SSBP2: variants seen among roughly 807,000 people sequenced by gnomAD.
SSBP2 encodes single stranded DNA binding protein 2.
SSBP2 carries 17 observed loss-of-function variants against 61.8 expected under a neutral mutation model. The observed-to-expected ratio is 0.28, with a 90% confidence interval of 0.19 to 0.41. The LOEUF is 0.41. SSBP2 is among the 10% of genes least tolerant of loss of function. SSBP2 has a pLI of 1.00. For missense variants in SSBP2, 310 were observed against 458.7 expected (o/e 0.68, Z 2.96); for synonymous variants, 139 against 141.3 (o/e 0.98, Z 0.12).
Position 81,419,287 on chromosome 5 carries a change from C to CAG in SSBP2, c.*1215_*1216dup, listed in dbSNP as rs763976952. On this transcript the variant is annotated 3_prime_UTR_variant, in exon 17 of 17. Transcript: ENST00000320672. ...GAATAAAAGCCTTATATTCCAGGAACAGAGCAGAGGCTCCCTGGCCAGTGA... is the reference window on the plus strand; with the variant it reads ...GAATAAAAGCCTTATATTCCAGGAACAGAGAGCAGAGGCTCCCTGGCCAGTGA... 29 of 152,132 alleles carry CAG rather than the reference C, an allele frequency of 1.9e-4. No individual in the cohort carries two copies. Among genetic ancestry groups the CAG allele is most frequent in the Admixed American group, 7.2e-4 (11 of 15,260 alleles). 9.4% of individuals were successfully genotyped at this position (152,132 alleles called of 1,614,324 possible).
intron 16 of SSBP2, among the ~76,000 whole-genome samples, chr5:81,422,682 G>C (rs906758078): frequency 6.6e-6 from 1 of 152,124 alleles, no homozygotes; most frequent in African/African-American, 2.4e-5. Flanking sequence ...AAAAAATAGA[G>C]GGAAACTGCC....
intron 1 of SSBP2, among the ~76,000 whole-genome samples, chr5:81,711,701 A>T (rs969571436): frequency 2.0e-5 from 3 of 151,622 alleles, no homozygotes; most frequent in South Asian, 4.2e-4. Context: ...GATAAAAAAA[A>T]AAATAAAACC....
At chr5:81,453,456 CTTTTTTT>C (rs34761912) in intron 10 of SSBP2, among the ~76,000 whole-genome samples, 1 of 112,142 alleles carries the variant, frequency 8.9e-6, no homozygotes, top group Non-Finnish European at 1.7e-5. Flanking sequence ...TGGGTTTATT[CTTTTTTT>C]TTTTTTTTTT....
At chr5:81,446,370 T>C (rs1763401928) in intron 12 of SSBP2, among the ~76,000 whole-genome samples, 1 of 152,186 alleles carries the variant, frequency 6.6e-6, no homozygotes, top group Non-Finnish European at 1.5e-5. Context: ...TAAAAAACTT[T>C]TATTATTACA....
At position 81,737,969 on chromosome 5, in the gene SSBP2, A is replaced by T. The variant is rs544391573; in HGVS notation, c.62+13012T>A. 3.3e-5 allele frequency among the ~76,000 whole-genome samples: 5 copies of T among 152,164 alleles called. No homozygotes were observed. In the South Asian group the frequency reaches 1.0e-3, roughly 32 times the overall value. The stretch of plus-strand genomic sequence containing the variant: ...TTTTCAATCTCAATTTCAAACTCTC[A>T]TTCCACCTATACCTTAAATATTCCC... On this transcript the variant is annotated intron_variant, in intron 1 of 16. Transcript: ENST00000320672.
chr5:81,626,676 A>G (rs1244231501), intron 3 of SSBP2, among the ~76,000 whole-genome samples: 1 of 151,920 alleles, frequency 6.6e-6, no homozygotes, highest in Non-Finnish European at 1.5e-5. Context: ...TGAATATCCT[A>G]TGGCAACCAC....
chr5:81,500,987 G>T (rs963801707), intron 5 of SSBP2, among the ~76,000 whole-genome samples: 4 of 150,416 alleles, frequency 2.7e-5, no homozygotes, highest in African/African-American at 4.9e-5. Context: ...GCAAAGGCAG[G>T]GAGATCACCT....
At chr5:81,519,996 T>C (rs1396261161) in intron 4 of SSBP2, among the ~76,000 whole-genome samples, 1 of 152,026 alleles carries the variant, frequency 6.6e-6, no homozygotes, top group Non-Finnish European at 1.5e-5. Flanking sequence ...CCTCTTTTTT[T>C]TTTTTTGAGA....
intron 4 of SSBP2, among the ~76,000 whole-genome samples, chr5:81,597,021 G>A (rs967562949): frequency 6.6e-6 from 1 of 152,062 alleles, no homozygotes; most frequent in Non-Finnish European, 1.5e-5. Flanking sequence ...CTTCTGCACA[G>A]CAAAAGAAAC....
chr5:81,426,286 A>G (rs1291269500), intron 16 of SSBP2, among the ~76,000 whole-genome samples: 1 of 152,238 alleles, frequency 6.6e-6, no homozygotes, highest in Non-Finnish European at 1.5e-5. Flanking sequence ...ATCATTCATA[A>G]CAAGTCCCTT....
At chr5:81,568,826 G>A (rs1326360699) in intron 4 of SSBP2, among the ~76,000 whole-genome samples, 1 of 152,182 alleles carries the variant, frequency 6.6e-6, no homozygotes, top group Non-Finnish European at 1.5e-5. Flanking sequence ...AAATGATCAT[G>A]AGATCTAGCT....
intron 1 of SSBP2, among the ~76,000 whole-genome samples, chr5:81,742,037 A>G (rs1474351677): frequency 1.3e-5 from 2 of 152,352 alleles, no homozygotes; most frequent in East Asian, 3.9e-4. Flanking sequence ...GGTCTGCCAC[A>G]TATTATCTGT....
rs150276208 is a variant in SSBP2 at position 81,684,703 on chromosome 5, C to G, written c.63-34364G>C. Among the ~76,000 whole-genome samples, 455 of 152,302 alleles carry G rather than the reference C, an allele frequency of 3.0e-3. 4 individuals carry two copies. Among genetic ancestry groups the G allele is most frequent in the South Asian group, 5.0e-3 (24 of 4,828 alleles). On this transcript the variant is annotated intron_variant, in intron 1 of 16. Transcript: ENST00000320672. Reference sequence around the variant, plus strand: ...CATTTACCCGATGCTTGTACCCCGACTGCATCTTGGAGTAACTAACTTGTT... The same window carrying G: ...CATTTACCCGATGCTTGTACCCCGAGTGCATCTTGGAGTAACTAACTTGTT...
chr5:81,625,752 G>A (rs1344883249), intron 3 of SSBP2, among the ~76,000 whole-genome samples: 1 of 152,220 alleles, frequency 6.6e-6, no homozygotes, highest in South Asian at 2.1e-4. Context: ...TATCTCAAGG[G>A]AACACAGAAA....
intron 3 of SSBP2, among the ~76,000 whole-genome samples, chr5:81,616,753 C>A (rs1211610195): frequency 6.6e-6 from 1 of 150,974 alleles, no homozygotes; most frequent in Admixed American, 6.6e-5. Context: ...AGCTGGAGAT[C>A]TGAGAACGGG....
At chr5:81,485,766 C>A (rs1163310093) in intron 6 of SSBP2, among the ~76,000 whole-genome samples, 2 of 152,164 alleles carry the variant, frequency 1.3e-5, no homozygotes, top group African/African-American at 4.8e-5. Flanking sequence ...CTGCTTCAGC[C>A]TCCTGAAGTG....
At chr5:81,473,863 T>C (rs946840372) in intron 7 of SSBP2, 93 bp from the exon 8 acceptor site, 3 of 1,176,030 alleles carry the variant, frequency 2.6e-6, no homozygotes, top group Non-Finnish European at 2.5e-6. Context: ...TACTGTCTCA[T>C]TTACCAAGAG....
intron 9 of SSBP2, among the ~76,000 whole-genome samples, chr5:81,465,713 C>T (rs1764845454): frequency 6.6e-6 from 1 of 151,940 alleles, no homozygotes; most frequent in South Asian, 2.1e-4. Context: ...ACATCTCCAT[C>T]CTATTGGTAA....
intron 1 of SSBP2, among the ~76,000 whole-genome samples, chr5:81,691,705 C>T (rs887336226): frequency 6.6e-6 from 1 of 152,084 alleles, no homozygotes; most frequent in Non-Finnish European, 1.5e-5. Context: ...CTTCCAAACT[C>T]GTTTTAGAAG....
Sources: allele counts gnomAD v4.1 joint callset (sites outside exome capture counted in the v4.1 genomes callset), GRCh38; gene constraint gnomAD v4.1.1; transcripts MANE v1.5; gene names NCBI Gene and HGNC (gene_info 2026-07-23, HGNC 2026-07-21).